ABCC8: variants seen among roughly 807,000 people sequenced by gnomAD.
ABCC8 encodes the protein ATP-binding cassette sub-family C member 8.
In ABCC8, 137 loss-of-function variants were observed where a neutral mutation model predicts 188.0. That is an observed-to-expected ratio of 0.73 (90% CI 0.63 to 0.84). ABCC8 has a LOEUF of 0.84. Among genes scored for constraint, ABCC8 ranks in the 40% least tolerant of loss-of-function variants. The pLI, the probability that ABCC8 is intolerant of heterozygous loss-of-function variation, is 0.00. For synonymous variants in ABCC8, 797 were observed against 846.5 expected (o/e 0.94, Z 1.01); for missense variants, 1,750 against 2,072.7 (o/e 0.84, Z 3.02).
chr11:17,453,096 T>A, intron 7 of ABCC8, 23 bp downstream of exon 7: 1 of 1,590,188 alleles, frequency 6.3e-7, no homozygotes, highest in Non-Finnish European at 8.6e-7. Context: ...TATGGCAAAG[T>A]GAAAAAATAA....
intron 6 of ABCC8, among the ~76,000 whole-genome samples, chr11:17,459,154 A>C (rs1009666547): frequency 2.0e-5 from 3 of 152,224 alleles, no homozygotes; most frequent in African/African-American, 7.2e-5. Context: ...AATGGGGATA[A>C]GAATACCTAT....
chr11:17,446,390 C>G (rs1956531837), intron 8 of ABCC8, among the ~76,000 whole-genome samples: 1 of 152,046 alleles, frequency 6.6e-6, no homozygotes, highest in Non-Finnish European at 1.5e-5. Flanking sequence ...CCTCACAGCC[C>G]AAAGTGTTAA....
In ABCC8 at chr11:17,469,804, C is replaced by G. The variant is rs111401552; in HGVS notation, c.412+297G>C. Among the ~76,000 whole-genome samples, 1,263 of 152,296 alleles carry G rather than the reference C, an allele frequency of 8.3e-3. 18 individuals carry two copies. The highest frequency in any genetic ancestry group is 0.028 in the African/African-American group (1,171 of 41,564). Reference sequence around the variant, plus strand: ...AATATCTGCATGCCCACAGTTACCACAGCCCTTCCCTGACCATCCTGTGTA... The same window carrying G: ...AATATCTGCATGCCCACAGTTACCAGAGCCCTTCCCTGACCATCCTGTGTA... On this transcript the variant is annotated intron_variant, in intron 3 of 38. Coordinates refer to ENST00000389817, the MANE Select transcript of ABCC8 (RefSeq NM_000352.6).
At chr11:17,452,497 C>A (rs2133639221) in intron 7 of ABCC8, among the ~76,000 whole-genome samples, 1 of 152,294 alleles carries the variant, frequency 6.6e-6, no homozygotes, top group East Asian at 1.9e-4. Context: ...GAACACACAA[C>A]CTAGACCCTT....
At chr11:17,424,574 G>T (rs1039199518) in intron 16 of ABCC8, among the ~76,000 whole-genome samples, 12 of 152,322 alleles carry the variant, frequency 7.9e-5, no homozygotes, top group South Asian at 2.1e-4. Flanking sequence ...AGGGCATGAG[G>T]GTGGGGGAGG....
chr11:17,424,345 A>G (rs1955488108), intron 16 of ABCC8, among the ~76,000 whole-genome samples: 1 of 152,244 alleles, frequency 6.6e-6, no homozygotes, highest in Non-Finnish European at 1.5e-5. Context: ...AATAAAAAAA[A>G]GAAGTGCTTA....
intron 17 of ABCC8, 94 bp from the exon 18 acceptor site, chr11:17,415,433 T>C: frequency 1.3e-6 from 2 of 1,556,182 alleles, no homozygotes; most frequent in South Asian, 1.2e-5. Flanking sequence ...AACATGAGCA[T>C]GCCTTTACAA....
chr11:17,459,785 G>A (rs928052490), intron 6 of ABCC8, among the ~76,000 whole-genome samples: 4 of 152,152 alleles, frequency 2.6e-5, no homozygotes, highest in Admixed American at 6.5e-5. Flanking sequence ...ACGGCCCCAC[G>A]CAGGGCAAAT....
At chr11:17,467,532 CT>C (rs1483001306) in intron 3 of ABCC8, among the ~76,000 whole-genome samples, 2 of 152,268 alleles carry the variant, frequency 1.3e-5, no homozygotes, top group African/African-American at 4.8e-5. Flanking sequence ...GCCTGAAGCA[CT>C]CTTTCCTCCC....
chr11:17,457,206 T>G (rs1957026731), intron 6 of ABCC8, among the ~76,000 whole-genome samples: 1 of 151,950 alleles, frequency 6.6e-6, no homozygotes, highest in Non-Finnish European at 1.5e-5. Context: ...GCATATACAC[T>G]CATTAAGTCA....
chr11:17,456,027 TACCGAGAAG>T (rs1564968070), intron 6 of ABCC8, among the ~76,000 whole-genome samples: 9 of 150,770 alleles, frequency 6.0e-5, no homozygotes, highest in South Asian at 4.2e-4. Flanking sequence ...TGTTGGAGTC[TACCGAGAAG>T]AGGGTCCTAG....
intron 6 of ABCC8, among the ~76,000 whole-genome samples, chr11:17,459,428 G>A (rs1032574231): frequency 1.3e-5 from 2 of 152,156 alleles, no homozygotes; most frequent in South Asian, 4.1e-4. Context: ...CAGACTCAAC[G>A]TATCTCATAT....
At chr11:17,461,442 T>C (rs1957184320) in intron 5 of ABCC8, 141 bp downstream of exon 5, 1 of 1,119,334 alleles carries the variant, frequency 8.9e-7, no homozygotes, top group African/African-American at 1.5e-5. Flanking sequence ...CTGTGTGACT[T>C]AAGGCAAGCT....
chr11:17,469,963 T>A, intron 3 of ABCC8, 138 bp downstream of exon 3: 4 of 1,104,948 alleles, frequency 3.6e-6, no homozygotes, highest in Non-Finnish European at 5.4e-6. Context: ...GTAAGCTCCA[T>A]GAAGGCAGGG....
intron 1 of ABCC8, 105 bp downstream of exon 1, chr11:17,476,524 G>A: frequency 2.1e-6 from 3 of 1,405,878 alleles, no homozygotes; most frequent in Non-Finnish European, 2.9e-6. Flanking sequence ...GAGGCGGACG[G>A]CGGTCGCGGG....
chr11:17,426,828 T>C (rs781618082), intron 16 of ABCC8, among the ~76,000 whole-genome samples: 1 of 152,132 alleles, frequency 6.6e-6, no homozygotes, highest in Non-Finnish European at 1.5e-5. Context: ...ATCATAAAAA[T>C]TAAATGAAAT....
intron 16 of ABCC8, among the ~76,000 whole-genome samples, chr11:17,424,161 C>A (rs918721626): frequency 6.6e-6 from 1 of 151,714 alleles, no homozygotes; most frequent in Non-Finnish European, 1.5e-5. Context: ...CCGAGCCTGT[C>A]GGGGGGTGGG....
In ABCC8 at chr11:17,435,915, G is replaced by A; in HGVS notation, c.1631-3671C>T. The A allele has an allele frequency of 4.9e-6, 7 of 1,425,508 alleles. No individual in the cohort carries two copies. The East Asian group carries it at 1.1e-4, about 23-fold the overall frequency. 88.3% of individuals were successfully genotyped at this position (1,425,508 alleles called of 1,614,324 possible). ...ACTCAAAGTTCCCAGGGAGTAACAG[G>A]GCCAACATGCCAAAAAGAGAGACCC... is the stretch of plus-strand genomic sequence containing the variant. On this transcript the variant is annotated intron_variant, in intron 10 of 38. Transcript: ENST00000389817.
Position 17,442,783 on chromosome 11 carries a change from C to G in ABCC8, c.1567G>C (p.Glu523Gln). 2 of 1,614,064 alleles carry G rather than the reference C, an allele frequency of 1.2e-6. No homozygotes were observed. Among genetic ancestry groups the G allele is most frequent in the South Asian group, 2.2e-5 (2 of 91,068 alleles). ...AWENIFRTRV[E>Q]TTRRKEMTSL... ...GTCATCTCCTTCCTGCGGGTCGTCT[C>G]CACCCGCGTGCGGAAGATGTTCTCC... The change falls in exon 10 of 39, where the codon GAG (glutamate) becomes CAG (glutamine). Residue 523 changes from glutamate to glutamine, a missense_variant. Glu to Gln is a conservative substitution (Grantham distance 29, BLOSUM62 2). Transcript: ENST00000389817.
Sources: allele counts gnomAD v4.1 joint callset (sites outside exome capture counted in the v4.1 genomes callset), GRCh38; gene constraint gnomAD v4.1.1; transcripts MANE v1.5; gene names NCBI Gene and HGNC (gene_info 2026-07-23, HGNC 2026-07-21).